The following ETNK2 variants were observed in gnomAD, a reference collection of about 807,000 sequenced individuals.
The protein encoded by ETNK2 is ethanolamine kinase-like protein.
In ETNK2, 33 loss-of-function variants were observed where a neutral mutation model predicts 46.2. That is an observed-to-expected ratio of 0.71 (90% CI 0.54 to 0.96). The LOEUF (loss-of-function observed/expected upper bound fraction) is 0.96. ETNK2 is among the 40% of genes least tolerant of loss of function. The pLI, the probability that ETNK2 is intolerant of heterozygous loss-of-function variation, is 0.00. For missense variants in ETNK2, 445 were observed against 509.7 expected, an observed-to-expected ratio of 0.87 and a Z score of 1.22; for synonymous variants, 194 against 209.0, an observed-to-expected ratio of 0.93 and a Z score of 0.62.
At position 204,144,687 on chromosome 1, in the gene ETNK2, C is replaced by T. The variant is rs539384049; in HGVS notation, c.641+1955G>A. 3.3e-5 allele frequency among the ~76,000 whole-genome samples: 5 copies of T among 152,314 alleles called. No homozygotes were observed. The East Asian group carries it at 9.6e-4, about 29-fold the overall frequency. On this transcript the variant is annotated intron_variant, in intron 3 of 7. Coordinates refer to ENST00000367202, the MANE Select transcript of ETNK2 (RefSeq NM_018208.4). ...TTAGCCTGACATTTAAGGCCCCTTA[C>T]CACCTAGCTCCAACTCTGTAGTCCA...
Position 204,141,479 on chromosome 1 carries a change from A to G in ETNK2, c.642-22T>C. The G allele has an allele frequency of 1.9e-6, 3 of 1,558,326 alleles. No homozygotes were observed. In the South Asian group the frequency reaches 3.5e-5, roughly 18 times the overall value. On this transcript the variant is annotated intron_variant, in intron 3 of 7. Coordinates refer to ENST00000367202, the MANE Select transcript of ETNK2 (RefSeq NM_018208.4). The stretch of plus-strand genomic sequence containing the variant: ...AAGGCTGGGCAGTGGCAAAAAAGGT[A>G]GCCAGTGAAAGGAGGGCTGATAGAC...
chr1:204,146,538 C>G, intron 3 of ETNK2, 104 bp downstream of exon 3: 2 of 1,385,828 alleles, frequency 1.4e-6, no homozygotes, highest in South Asian at 2.6e-5. Context: ...GCCTCCTCCC[C>G]GAGACCTAAG....
Position 204,151,955 on chromosome 1 carries a change from T to G in ETNK2, c.-103A>C. 1 of 1,241,352 alleles carries G rather than the reference T, an allele frequency of 8.1e-7. No individual in the cohort carries two copies. 76.9% of individuals were successfully genotyped at this position (1,241,352 alleles called of 1,614,324 possible). A position where few individuals can be genotyped will look rare whatever the true frequency, so the allele number is the denominator to read the frequency against. On this transcript the variant is annotated 5_prime_UTR_variant, in exon 1 of 8. An upstream start codon of the reference 5' UTR is lost. Coordinates refer to ENST00000367202, the MANE Select transcript of ETNK2 (RefSeq NM_018208.4). This position sits in a 1 kb window ranked among gnomAD's most constrained non-coding sequence, Gnocchi z 8.0. ...TAGAGGAGGGGCCAGGGGAAGTCCA[T>G]GACTCAGGCGCGAGCTGCCCGCTTC... is the stretch of plus-strand genomic sequence containing the variant.
At chr1:204,139,734 G>A (rs887861065) in intron 5 of ETNK2, among the ~76,000 whole-genome samples, 9 of 152,178 alleles carry the variant, frequency 5.9e-5, no homozygotes, top group African/African-American at 2.2e-4. Context: ...GTGATCATCA[G>A]TGTACTTACA....
intron 6 of ETNK2, 109 bp downstream of exon 6, chr1:204,136,995 C>A (rs747113571): frequency 2.1e-6 from 3 of 1,445,768 alleles, no homozygotes; most frequent in Non-Finnish European, 2.8e-6. Flanking sequence ...GGATGGGTGT[C>A]CCCAGGCTCT....
intron 6 of ETNK2, among the ~76,000 whole-genome samples, chr1:204,136,787 G>A (rs1398003768): frequency 6.6e-6 from 1 of 151,980 alleles, no homozygotes; most frequent in Non-Finnish European, 1.5e-5. Flanking sequence ...CTGAGGTTAG[G>A]CAGTAGAAAG....
Position 204,151,060 on chromosome 1 carries a change from C to T in ETNK2, c.258+535G>A. The T allele has an allele frequency of 5.6e-6, 1 of 179,930 alleles. No individual in the cohort carries two copies. Among genetic ancestry groups the T allele is most frequent in the Non-Finnish European group, 1.2e-5 (1 of 86,884 alleles). 11.1% of individuals were successfully genotyped at this position (179,930 alleles called of 1,614,324 possible). On this transcript the variant is annotated intron_variant, in intron 1 of 7. Coordinates refer to ENST00000367202, the MANE Select transcript of ETNK2 (RefSeq NM_018208.4). The surrounding 1 kb of genome is among the most constrained non-coding windows in gnomAD (Gnocchi z 8.0). Reference sequence around the variant, plus strand: ...AGATGGCCTGTGTGGGGGTGCTGAGCCCGAGCCTGCAGCGATGGTGAGGAG... The same window carrying T: ...AGATGGCCTGTGTGGGGGTGCTGAGTCCGAGCCTGCAGCGATGGTGAGGAG...
Position 204,152,024 on chromosome 1 carries a change from G to A in ETNK2, c.-172C>T. 3.5e-6 allele frequency: 2 copies of A among 568,550 alleles called. No individual in the cohort carries two copies. The highest frequency in any genetic ancestry group is 5.2e-6 in the Non-Finnish European group (2 of 386,078). The allele number at this position is 568,550 out of a possible 1,614,324, so 35.2% of individuals were successfully genotyped here. A position where few individuals can be genotyped will look rare whatever the true frequency, so the allele number is the denominator to read the frequency against. The stretch of plus-strand genomic sequence containing the variant: ...CGCCGCCCACCGCCGACCCCGGAGC[G>A]CCGCGGCCCGCCGCGATTGTGACAT... On this transcript the variant is annotated 5_prime_UTR_variant, in exon 1 of 8. Transcript: ENST00000367202. The surrounding 1 kb of genome is among the most constrained non-coding windows in gnomAD (Gnocchi z 4.2).
chr1:204,136,402 A>AGTAT (rs1043531003), intron 6 of ETNK2, among the ~76,000 whole-genome samples: 3 of 102,792 alleles, frequency 2.9e-5, no homozygotes, highest in Non-Finnish European at 5.6e-5. Context: ...TCTCAAAAAA[A>AGTAT]GTATATATAT....
chr1:204,141,346 G>T lies in ETNK2; in HGVS notation c.753C>A (p.Leu251=). The change falls in exon 4 of 8, where the codon CTC becomes CTA. Residue 251 remains leucine, a synonymous_variant. Transcript: ENST00000367202. The part of the protein sequence containing the change: ...SPVVFCHNDL[L]CKNIIYDSIK... ...TGCTGTCATAGATGATATTCTTGCAGAGCAGGTCATTGTGACAAAACACCA... is the reference window on the plus strand; with the variant it reads ...TGCTGTCATAGATGATATTCTTGCATAGCAGGTCATTGTGACAAAACACCA... The T allele has an allele frequency of 6.2e-7, 1 of 1,614,046 alleles. No individual in the cohort carries two copies. The highest frequency in any genetic ancestry group is 8.5e-7 in the Non-Finnish European group (1 of 1,179,900).
chr1:204,132,173 G>T lies in ETNK2; in HGVS notation c.*11C>A. The stretch of plus-strand genomic sequence containing the variant: ...CCAGACAGATGGGTAGGGGAGGGAT[G>T]GGGTGGCTGGTCACTTTGGCATCTC... On this transcript the variant is annotated 3_prime_UTR_variant, in exon 8 of 8. Transcript: ENST00000367202. 6.4e-7 allele frequency: 1 copy of T among 1,563,632 alleles called. No individual in the cohort carries two copies. The highest frequency in any genetic ancestry group is 8.7e-7 in the Non-Finnish European group (1 of 1,153,130).
Position 204,132,256 on chromosome 1 carries a change from C to T in ETNK2, c.1089G>A (p.Arg363=). Residue 363 remains arginine, a splice_region_variant and synonymous_variant, in exon 8 of 8, where the codon AGG becomes AGA. Coordinates refer to ENST00000367202, the MANE Select transcript of ETNK2 (RefSeq NM_018208.4). ...QYSTIDFDFL[R]YAVIRFNQYF... is the part of the protein sequence containing the mutation. ...ACTGGTTGAATCGGATCACTGCGTA[C>T]CTGTGGGGAAGACAGAAGGAAGCTG... 3 of 1,567,016 alleles carry T rather than the reference C, an allele frequency of 1.9e-6. No individual in the cohort carries two copies. The highest frequency in any genetic ancestry group is 2.6e-6 in the Non-Finnish European group (3 of 1,155,452).
Position 204,148,598 on chromosome 1 carries a change from ACACAC to A in ETNK2, c.518+1100_518+1104del, listed in dbSNP as rs1558238819. Among the ~76,000 whole-genome samples the A allele has an allele frequency of 1.0e-3, 149 of 148,252 alleles. No individual in the cohort carries two copies. In the East Asian group the frequency reaches 0.026, roughly 26 times the overall value. ...CACACACACACACACACACACACAC[ACACAC>A]ACACACACTGCTACAATACACAACT... On this transcript the variant is annotated intron_variant, in intron 2 of 7. Coordinates refer to ENST00000367202, the MANE Select transcript of ETNK2 (RefSeq NM_018208.4).
intron 3 of ETNK2, among the ~76,000 whole-genome samples, chr1:204,143,750 A>G (rs886827691): frequency 2.0e-5 from 3 of 152,126 alleles, no homozygotes; most frequent in Non-Finnish European, 2.9e-5. Context: ...TTCTCCCCAC[A>G]GGGCTCTTTC....
rs1304724156 is a variant in ETNK2, at chr1:204,141,454, A to G, written c.645T>C (p.Leu215=). The part of the protein sequence containing the change: ...TLVKNEINPS[L]SADVPKVEVL... ...CCTCTACCTTAGGGACATCTGCAGA[A>G]AGGCTGGGCAGTGGCAAAAAAGGTA... The change falls in exon 4 of 8, where the codon CTT becomes CTC. Residue 215 remains leucine, a synonymous_variant. Coordinates refer to ENST00000367202, the MANE Select transcript of ETNK2 (RefSeq NM_018208.4). 11 of 1,584,408 alleles carry G rather than the reference A, an allele frequency of 6.9e-6. No homozygotes were observed. Among genetic ancestry groups the G allele is most frequent in the Non-Finnish European group, 9.4e-6 (11 of 1,165,124 alleles).
intron 2 of ETNK2, chr1:204,147,090 T>C: frequency 2.2e-6 from 1 of 459,944 alleles, no homozygotes; most frequent in South Asian, 1.8e-5. Context: ...CCATAGCAAC[T>C]CCTGAGAACA....
intron 3 of ETNK2, among the ~76,000 whole-genome samples, chr1:204,145,761 C>G (rs184722591): frequency 7.1e-4 from 108 of 152,312 alleles, no homozygotes; most frequent in African/African-American, 2.4e-3. Context: ...ACCCTACTCC[C>G]ATGAACATTT....
In ETNK2 at chr1:204,151,275, C is replaced by T. The variant is rs1657994717; in HGVS notation, c.258+320G>A. ...GGTTTCAGAGCTGGCTGGGTACGCG[C>T]TTCTGGTCAGCGAGGGGCACCAGCA... On this transcript the variant is annotated intron_variant, in intron 1 of 7. Transcript: ENST00000367202. The surrounding 1 kb of genome is among the most constrained non-coding windows in gnomAD (Gnocchi z 8.0). 6.1e-6 allele frequency: 3 copies of T among 489,678 alleles called. No individual in the cohort carries two copies. Among genetic ancestry groups the T allele is most frequent in the Non-Finnish European group, 1.1e-5 (3 of 277,204 alleles). 30.3% of individuals were successfully genotyped at this position (489,678 alleles called of 1,614,324 possible).
At chr1:204,145,460 G>A (rs1261427326) in intron 3 of ETNK2, among the ~76,000 whole-genome samples, 2 of 152,228 alleles carry the variant, frequency 1.3e-5, no homozygotes, top group Non-Finnish European at 2.9e-5. Context: ...GGGCTGAAAG[G>A]TTGGAAGGAC....
Sources: gnomAD v4.1 joint callset for allele counts (sites outside exome capture counted in the v4.1 genomes callset) on GRCh38, gnomAD v4.1.1 for gene constraint, Gnocchi (gnomAD v3.1) non-coding constraint, MANE v1.5 for transcripts, NCBI Gene and HGNC (gene_info 2026-07-23, HGNC 2026-07-21) for gene names.